HMGA2: variants seen among roughly 807,000 people sequenced by gnomAD.
HMGA2 encodes high mobility group AT-hook 2.
A neutral mutation model predicts 19.1 loss-of-function variants in HMGA2; 8 were observed. The observed-to-expected ratio is 0.42, with a 90% CI of 0.25 to 0.76. The LOEUF is 0.76. Among genes scored for constraint, HMGA2 ranks in the 30% least tolerant of loss-of-function variants. The pLI is 0.28. For synonymous variants in HMGA2, 60 were observed against 48.8 expected (o/e 1.23, Z -0.96); for missense variants, 109 against 136.3 (o/e 0.80, Z 1.00).
chr12:65,925,891 C>G (rs900618291), intron 3 of HMGA2, among the ~76,000 whole-genome samples: 14 of 152,130 alleles, frequency 9.2e-5, no homozygotes, highest in African/African-American at 3.4e-4. Context: ...CTATTGACTG[C>G]AGAGCCATAA....
intron 3 of HMGA2, among the ~76,000 whole-genome samples, chr12:65,897,333 G>A (rs1221282403): frequency 6.6e-6 from 1 of 152,124 alleles, no homozygotes; most frequent in African/African-American, 2.4e-5. Context: ...AAAAGAAACT[G>A]ACAGTACAAA....
At chr12:65,938,943 C>G (rs979326691) in intron 3 of HMGA2, among the ~76,000 whole-genome samples, 13 of 152,138 alleles carry the variant, frequency 8.5e-5, no homozygotes, top group Non-Finnish European at 1.2e-4. Context: ...ACTGGGCCCC[C>G]CAAATCTAAG....
At chr12:65,852,244 C>T (rs1464366506) in intron 3 of HMGA2, among the ~76,000 whole-genome samples, 2 of 152,202 alleles carry the variant, frequency 1.3e-5, no homozygotes, top group South Asian at 2.1e-4. Flanking sequence ...CGCCTACAAT[C>T]CCAGCACCTG....
At position 65,824,486 on chromosome 12, in the gene HMGA2, A is replaced by G. The variant is rs1178475617; in HGVS notation, c.-785A>G. The G allele has an allele frequency of 2.6e-5, 6 of 231,050 alleles. No individual in the cohort carries two copies. In the East Asian group the frequency reaches 3.7e-4, roughly 14 times the overall value. 14.3% of individuals were successfully genotyped at this position (231,050 alleles called of 1,614,324 possible). On this transcript the variant is annotated 5_prime_UTR_variant, in exon 1 of 5. Transcript: ENST00000403681. ...TTGAATCTTGGGGCAGGAACTCAGA[A>G]AACTTCCAGCCCGGGCAGCGCGCGC...
chr12:65,943,887 C>A (rs1366199122), intron 3 of HMGA2, among the ~76,000 whole-genome samples: 1 of 152,118 alleles, frequency 6.6e-6, no homozygotes, highest in Non-Finnish European at 1.5e-5. Flanking sequence ...TCAGAGAAAA[C>A]CCTGACTAGC....
At position 65,824,739 on chromosome 12, in the gene HMGA2, C is replaced by CTCTCTCTCTCTCTCTG. The variant is rs1870045046; in HGVS notation, c.-517_-516insGTCTCTCTCTCTCTCT. ...TCTCTCTCTCTCTCTCTCTCTCTCT[C>CTCTCTCTCTCTCTCTG]TCTCTCTCTCTCTCTCTCTCTCTCT... On this transcript the variant is annotated 5_prime_UTR_variant, in exon 1 of 5. Coordinates refer to ENST00000403681, the MANE Select transcript of HMGA2 (RefSeq NM_003483.6). 4.5e-6 allele frequency: 1 copy of CTCTCTCTCTCTCTCTG among 222,900 alleles called. No homozygotes were observed. Among genetic ancestry groups the CTCTCTCTCTCTCTCTG allele is most frequent in the African/African-American group, 2.4e-5 (1 of 41,154 alleles). The allele number at this position is 222,900 out of a possible 1,614,324, so 13.8% of individuals were successfully genotyped here.
intron 3 of HMGA2, among the ~76,000 whole-genome samples, chr12:65,845,523 C>A (rs1440514002): frequency 2.6e-5 from 4 of 152,162 alleles, no homozygotes; most frequent in Non-Finnish European, 4.4e-5. Flanking sequence ...CCCACCTCAG[C>A]CTCCAAAAGT....
intron 3 of HMGA2, among the ~76,000 whole-genome samples, chr12:65,935,700 T>G (rs1322067340): frequency 6.6e-6 from 1 of 152,244 alleles, no homozygotes; most frequent in East Asian, 1.9e-4. Context: ...TGTAACTTGC[T>G]GAGAGTTATT....
At chr12:65,849,479 T>C (rs1323386656) in intron 3 of HMGA2, among the ~76,000 whole-genome samples, 2 of 152,318 alleles carry the variant, frequency 1.3e-5, no homozygotes, top group African/African-American at 4.8e-5. Context: ...CTAAAATTTC[T>C]CTTTTAAGAG....
chr12:65,898,912 C>T lies in HMGA2; in HGVS notation c.250-52471C>T, dbSNP rs557890612. ...ACAAAAAATTAGCCGGGCGTGGTGG[C>T]GGGCGCCTGTAATCCCAGCTACTCG... On this transcript the variant is annotated intron_variant, in intron 3 of 4. Transcript: ENST00000403681. Among the ~76,000 whole-genome samples the T allele has an allele frequency of 4.6e-5, 7 of 151,980 alleles. No individual in the cohort carries two copies. In the South Asian group the frequency reaches 8.3e-4, roughly 18 times the overall value.
chr12:65,861,901 A>C (rs964631734), intron 3 of HMGA2, among the ~76,000 whole-genome samples: 2 of 151,014 alleles, frequency 1.3e-5, no homozygotes, highest in Non-Finnish European at 2.9e-5. Flanking sequence ...CTGGAGCGCA[A>C]TGGCGCGATC....
intron 3 of HMGA2, among the ~76,000 whole-genome samples, chr12:65,940,922 A>T (rs1876071776): frequency 6.6e-6 from 1 of 152,224 alleles, no homozygotes; most frequent in African/African-American, 2.4e-5. Context: ...CATACAAATT[A>T]TGCATTATCA....
intron 2 of HMGA2, among the ~76,000 whole-genome samples, chr12:65,837,745 A>T (rs781319247): frequency 8.5e-5 from 13 of 152,218 alleles, no homozygotes; most frequent in Non-Finnish European, 1.8e-4. Flanking sequence ...TCTGTGAAGT[A>T]AAGCAATGAA....
intron 3 of HMGA2, among the ~76,000 whole-genome samples, chr12:65,873,127 G>T (rs1872792017): frequency 6.6e-6 from 1 of 152,088 alleles, no homozygotes; most frequent in Non-Finnish European, 1.5e-5. Context: ...ACACACCTGA[G>T]GTAAAGGACT....
chr12:65,952,481 CA>C (rs1735146062), intron 4 of HMGA2: 4 of 1,527,458 alleles, frequency 2.6e-6, no homozygotes, highest in Non-Finnish European at 3.5e-6. Context: ...AAAGTGTCTT[CA>C]AACAATTACA....
At position 65,964,301 on chromosome 12, in the gene HMGA2, G is replaced by C. The variant is rs77692662; in HGVS notation, c.*1009G>C. 2.2e-5 allele frequency: 3 copies of C among 134,974 alleles called. No individual in the cohort carries two copies. The East Asian group carries it at 2.6e-4, about 11-fold the overall frequency. The allele number at this position is 134,974 out of a possible 1,614,324, so 8.4% of individuals were successfully genotyped here. ...CAATTTAAAAAGCAAAAAAAAAAAA[G>C]GGGGGGGCAATCTCTCTCTGTGTCT... On this transcript the variant is annotated 3_prime_UTR_variant, in exon 5 of 5. Transcript: ENST00000403681.
At chr12:65,949,802 A>G (rs973543509) in intron 3 of HMGA2, among the ~76,000 whole-genome samples, 1 of 152,246 alleles carries the variant, frequency 6.6e-6, no homozygotes, top group Non-Finnish European at 1.5e-5. Context: ...AATTATTTGC[A>G]AATCATAAGG....
intron 3 of HMGA2, among the ~76,000 whole-genome samples, chr12:65,841,213 G>A (rs1188398028): frequency 2.0e-5 from 3 of 152,228 alleles, no homozygotes; most frequent in African/African-American, 4.8e-5. Context: ...TCAGGCATCA[G>A]ATCTTCCTGC....
At chr12:65,870,983 A>G (rs1015379653) in intron 3 of HMGA2, among the ~76,000 whole-genome samples, 1 of 152,166 alleles carries the variant, frequency 6.6e-6, no homozygotes, top group South Asian at 2.1e-4. Context: ...TGGATGTTAC[A>G]GGAAATGGGA....
Sources: allele counts gnomAD v4.1 joint callset (sites outside exome capture counted in the v4.1 genomes callset), GRCh38; gene constraint gnomAD v4.1.1; transcripts MANE v1.5; gene names NCBI Gene and HGNC (gene_info 2026-07-23, HGNC 2026-07-21).